Variants in NTN1 observed in about 807,000 individuals in gnomAD.
NTN1 encodes netrin-1.
Under a neutral mutation model 54.2 loss-of-function variants are expected in NTN1, and 11 were observed. The observed-to-expected ratio is 0.20, with a 90% CI of 0.13 to 0.34. The LOEUF (loss-of-function observed/expected upper bound fraction) is 0.34, where lower values mean the gene tolerates loss of function less well. Among genes scored for constraint, NTN1 ranks in the 10% least tolerant of loss-of-function variants. The probability of loss-of-function intolerance (pLI) is 1.00; values close to 1 mark genes in which losing one functional copy is unlikely to be tolerated. For synonymous variants in NTN1, 371 were observed against 382.0 expected, an observed-to-expected ratio of 0.97 and a Z score of 0.33; for missense variants, 740 against 893.1, an observed-to-expected ratio of 0.83 and a Z score of 2.18.
chr17:9,089,601 G>A (rs1046854975), intron 2 of NTN1, among the ~76,000 whole-genome samples: 4 of 152,096 alleles, frequency 2.6e-5, no homozygotes, highest in African/African-American at 7.2e-5. Context: ...ACTGCTGGGT[G>A]GAACCTAAAT....
intron 3 of NTN1, among the ~76,000 whole-genome samples, chr17:9,166,339 G>GC (rs1233588007): frequency 2.5e-5 from 3 of 120,872 alleles, no homozygotes; most frequent in Non-Finnish European, 5.2e-5. Flanking sequence ...CCAGGCTCTG[G>GC]CTTTTTTTTT....
rs754292443 is a variant in NTN1 at position 9,170,597 on chromosome 17, G to A, written c.1207+7596G>A. 7.7e-4 allele frequency among the ~76,000 whole-genome samples: 117 copies of A among 152,256 alleles called. 1 individual carries two copies. The highest frequency in any genetic ancestry group is 1.5e-3 in the Non-Finnish European group (102 of 68,022). On this transcript the variant is annotated intron_variant, in intron 3 of 6. Transcript: ENST00000173229. ...GCTTTGGGAGCAAAGATGACAAGTCGAAGGGCAGAGATGTGCCCAGCAGCT... is the reference window on the plus strand; with the variant it reads ...GCTTTGGGAGCAAAGATGACAAGTCAAAGGGCAGAGATGTGCCCAGCAGCT...
At chr17:9,038,188 C>G (rs1040356641) in intron 2 of NTN1, among the ~76,000 whole-genome samples, 3 of 151,054 alleles carry the variant, frequency 2.0e-5, no homozygotes, top group African/African-American at 7.3e-5. Flanking sequence ...GCAAACAGCT[C>G]CCCTATTTGT....
At chr17:9,062,022 G>A (rs1364916508) in intron 2 of NTN1, among the ~76,000 whole-genome samples, 1 of 152,132 alleles carries the variant, frequency 6.6e-6, no homozygotes, top group African/African-American at 2.4e-5. Flanking sequence ...TTTTAGCAGG[G>A]GACAAGCCTG....
intron 5 of NTN1, among the ~76,000 whole-genome samples, chr17:9,210,997 T>C (rs1295717344): frequency 1.3e-5 from 2 of 150,522 alleles, no homozygotes. Flanking sequence ...TGTATCCTCA[T>C]TGCAGTAAAT....
chr17:9,234,964 GT>G lies in NTN1; in HGVS notation c.1487-4661del, dbSNP rs10650921. 4.5e-4 allele frequency among the ~76,000 whole-genome samples: 59 copies of G among 130,078 alleles called. No individual in the cohort carries two copies. In the Middle Eastern group the frequency reaches 0.013, roughly 28 times the overall value. The allele number at this position is 130,078 out of a possible 152,430, so 85.3% of individuals were successfully genotyped here. On this transcript the variant is annotated intron_variant, in intron 6 of 6. Transcript: ENST00000173229. ...TTTTTTGTCTGTTTTTTGTTTTTTG[GT>G]TTTTTTTTTTTTTTGAGATGGAGTT...
At position 9,241,651 on chromosome 17, in the gene NTN1, C is replaced by T. The variant is rs945668534; in HGVS notation, c.*1683C>T. On this transcript the variant is annotated 3_prime_UTR_variant, in exon 7 of 7. Coordinates refer to ENST00000173229, the MANE Select transcript of NTN1 (RefSeq NM_004822.3). ...TGGTCTGGCTTCCCTCCGCCTTCCC[C>T]ACATTTACCCGCATCACGGCTGCCA... The T allele has an allele frequency of 1.6e-4, 25 of 152,544 alleles. No homozygotes were observed. Among genetic ancestry groups the T allele is most frequent in the African/African-American group, 6.0e-4 (25 of 41,588 alleles). The allele number at this position is 152,544 out of a possible 1,614,324, so 9.4% of individuals were successfully genotyped here.
intron 4 of NTN1, 35 bp from the exon 5 acceptor site, chr17:9,182,881 C>T: frequency 1.2e-6 from 2 of 1,609,966 alleles, no homozygotes; most frequent in Non-Finnish European, 1.7e-6. Context: ...CTTGTTTTCT[C>T]TCCTCCCCTC....
In NTN1 at chr17:9,239,445, G is replaced by T. The variant is rs1475501889; in HGVS notation, c.1487-195G>T. On this transcript the variant is annotated intron_variant, in intron 6 of 6. Coordinates refer to ENST00000173229, the MANE Select transcript of NTN1 (RefSeq NM_004822.3). The surrounding 1 kb of genome is among the most constrained non-coding windows in gnomAD (Gnocchi z 5.2). ...GGGTGGCACCCTCACAGCGTGGGAGGCAAGGCTTCTTGGCCCTGTTGTTAG... is the reference window on the plus strand; with the variant it reads ...GGGTGGCACCCTCACAGCGTGGGAGTCAAGGCTTCTTGGCCCTGTTGTTAG... Among the ~76,000 whole-genome samples the T allele has an allele frequency of 6.6e-6, 1 of 152,182 alleles. No individual in the cohort carries two copies. The highest frequency in any genetic ancestry group is 1.5e-5 in the Non-Finnish European group (1 of 68,042).
intron 6 of NTN1, among the ~76,000 whole-genome samples, chr17:9,235,731 CTTTCTTCTTTTTTTTT>C (rs1427803008): frequency 1.5e-5 from 2 of 129,082 alleles, no homozygotes; most frequent in Admixed American, 9.2e-5. Context: ...GCCTCTTCTT[CTTTCTTCTTTTTTTTT>C]TTCTTTTTTT....
At chr17:9,037,941 G>A (rs2091908199) in intron 2 of NTN1, among the ~76,000 whole-genome samples, 1 of 152,116 alleles carries the variant, frequency 6.6e-6, no homozygotes, top group Non-Finnish European at 1.5e-5. Flanking sequence ...GCCCTGTGTG[G>A]TCTGGCCCCT....
chr17:9,230,111 A>G (rs1172814600), intron 6 of NTN1, among the ~76,000 whole-genome samples: 1 of 152,146 alleles, frequency 6.6e-6, no homozygotes, highest in Non-Finnish European at 1.5e-5. Context: ...CCTTGGAGTC[A>G]ATGGCTATTC....
rs184935344 is a variant in NTN1 at position 9,039,368 on chromosome 17, G to A, written c.1018+15977G>A. On this transcript the variant is annotated intron_variant, in intron 2 of 6. Transcript: ENST00000173229. ...TTGTAACTGTATCAACATGTCTCTT[G>A]TATGTAATGATTTGATTATTTAAAT... Among the ~76,000 whole-genome samples the A allele has an allele frequency of 1.1e-4, 17 of 152,286 alleles. No individual in the cohort carries two copies. The East Asian group carries it at 3.3e-3, about 29-fold the overall frequency.
At position 9,023,140 on chromosome 17, in the gene NTN1, C is replaced by T. The variant is rs2091858745; in HGVS notation, c.767C>T (p.Thr256Met). 6.4e-7 allele frequency: 1 copy of T among 1,563,760 alleles called. No homozygotes were observed. Among genetic ancestry groups the T allele is most frequent in the Non-Finnish European group, 8.7e-7 (1 of 1,153,188 alleles). Residue 256 changes from threonine (T) to methionine (M), a missense_variant, in exon 2 of 7, where the codon ACG (threonine) becomes ATG (methionine). Physicochemically the swap from Thr to Met is moderately conservative, Grantham distance 81. Transcript: ENST00000173229. ...DIRVAFSRLH[T>M]FGDENEDDSE... is the part of the protein sequence containing the mutation. ...CGCGTGGCCTTCAGCCGCCTGCACA[C>T]GTTCGGCGACGAGAACGAGGACGAC...
the NTN1 span, among the ~76,000 whole-genome samples, chr17:9,006,885 T>C: frequency 6.6e-6 from 1 of 152,206 alleles, no homozygotes; most frequent in Non-Finnish European, 1.5e-5. Flanking sequence ...GGCCTATAGT[T>C]CTGGGTTATC....
intron 2 of NTN1, among the ~76,000 whole-genome samples, chr17:9,125,038 G>C (rs1023908970): frequency 6.6e-6 from 1 of 152,080 alleles, no homozygotes; most frequent in African/African-American, 2.4e-5. Flanking sequence ...TCTAGCACGC[G>C]GGGAGCTCCA....
intron 2 of NTN1, among the ~76,000 whole-genome samples, chr17:9,097,708 A>G (rs2092136511): frequency 6.6e-6 from 1 of 152,232 alleles, no homozygotes; most frequent in African/African-American, 2.4e-5. Context: ...GTCCTGTACC[A>G]GAACACAAAT....
intron 2 of NTN1, among the ~76,000 whole-genome samples, chr17:9,102,804 G>T (rs867331799): frequency 6.6e-6 from 1 of 152,200 alleles, no homozygotes; most frequent in Non-Finnish European, 1.5e-5. Flanking sequence ...AGTATGAATA[G>T]CCTATAACTA....
At chr17:9,187,738 G>A (rs1256420929) in intron 5 of NTN1, among the ~76,000 whole-genome samples, 1 of 152,022 alleles carries the variant, frequency 6.6e-6, no homozygotes, top group Non-Finnish European at 1.5e-5. Context: ...GGCTGAGGTG[G>A]GAGGGTAACC....
Sources: allele counts gnomAD v4.1 joint callset (sites outside exome capture counted in the v4.1 genomes callset), GRCh38; gene constraint gnomAD v4.1.1; non-coding constraint Gnocchi (gnomAD v3.1); transcripts MANE v1.5; gene names NCBI Gene and HGNC (gene_info 2026-07-23, HGNC 2026-07-21).